BICC1: variants seen among roughly 807,000 people sequenced by gnomAD.
The protein encoded by BICC1 is protein bicaudal C homolog 1.
Under a neutral mutation model 111.0 loss-of-function variants are expected in BICC1, and 43 were observed. That is an observed-to-expected ratio of 0.39 (90% confidence interval 0.30 to 0.50). BICC1 has a LOEUF of 0.50. Ranked by LOEUF, BICC1 falls within the 20% of genes least tolerant of loss-of-function variation. BICC1 has a pLI of 0.88. For synonymous variants in BICC1, 467 were observed against 434.4 expected (o/e 1.07, Z -0.93); for missense variants, 1,091 against 1,203.2 (o/e 0.91, Z 1.38).
rs186040279 is a variant in BICC1, at chr10:58,736,601, C to G, written c.307+34458C>G. Among the ~76,000 whole-genome samples the G allele has an allele frequency of 2.6e-5, 4 of 152,184 alleles. No homozygotes were observed. In the East Asian group the frequency reaches 5.8e-4, roughly 22 times the overall value. ...TAAGAAACACTGTAATGCCGTCTTTCCATTGGGTATCTCCATGATTTATTG... is the reference window on the plus strand; with the variant it reads ...TAAGAAACACTGTAATGCCGTCTTTGCATTGGGTATCTCCATGATTTATTG... On this transcript the variant is annotated intron_variant, in intron 3 of 20. Coordinates refer to ENST00000373886, the MANE Select transcript of BICC1 (RefSeq NM_001080512.3).
intron 2 of BICC1, 79 bp from the exon 3 acceptor site, chr10:58,701,995 A>G (rs769124823): frequency 8.8e-5 from 96 of 1,093,090 alleles, no homozygotes; most frequent in Non-Finnish European, 1.2e-4. Context: ...TTGAAAATAA[A>G]CTTTTTTGTG....
At chr10:58,739,579 C>G (rs936301910) in intron 3 of BICC1, among the ~76,000 whole-genome samples, 1 of 151,564 alleles carries the variant, frequency 6.6e-6, no homozygotes, top group Non-Finnish European at 1.5e-5. Context: ...TAATTTCTCT[C>G]CAACAATTCT....
intron 10 of BICC1, among the ~76,000 whole-genome samples, chr10:58,797,027 C>T (rs1843378917): frequency 6.6e-6 from 1 of 152,100 alleles, no homozygotes; most frequent in South Asian, 2.1e-4. Context: ...GAGGCCAGAC[C>T]TGTATTTCTG....
chr10:58,563,202 C>A (rs891561195), intron 1 of BICC1, among the ~76,000 whole-genome samples: 1 of 152,184 alleles, frequency 6.6e-6, no homozygotes, highest in South Asian at 2.1e-4. Context: ...GGGAAAGATG[C>A]ACTCTGGTAG....
intron 1 of BICC1, among the ~76,000 whole-genome samples, chr10:58,518,199 A>G (rs904630085): frequency 6.6e-6 from 1 of 152,158 alleles, no homozygotes; most frequent in African/African-American, 2.4e-5. Context: ...ATTCATTTCT[A>G]GTATGGTTTA....
At chr10:58,567,641 T>A (rs1843810634) in intron 1 of BICC1, among the ~76,000 whole-genome samples, 1 of 152,052 alleles carries the variant, frequency 6.6e-6, no homozygotes. Flanking sequence ...CAGCATACTT[T>A]TTTGAGCCTC....
chr10:58,722,457 A>G (rs1050222735), intron 3 of BICC1, among the ~76,000 whole-genome samples: 8 of 152,218 alleles, frequency 5.3e-5, no homozygotes, highest in Admixed American at 3.3e-4. Flanking sequence ...TAAATTTTGG[A>G]GAATCCATAT....
chr10:58,617,008 CA>C (rs1267463372), intron 1 of BICC1, among the ~76,000 whole-genome samples: 2 of 152,248 alleles, frequency 1.3e-5, no homozygotes, highest in African/African-American at 4.8e-5. Flanking sequence ...GGTAGTTGAC[CA>C]GGGGTACCTG....
chr10:58,707,999 C>CATATT, intron 3 of BICC1, among the ~76,000 whole-genome samples: 4 of 25,368 alleles, frequency 1.6e-4, no homozygotes, highest in African/African-American at 1.3e-4. Flanking sequence ...GCCTAGCCAG[C>CATATT]TAATTTTTTT....
At chr10:58,787,170 G>C (rs1843033798) in intron 5 of BICC1, 89 bp downstream of exon 5, 3 of 1,199,646 alleles carry the variant, frequency 2.5e-6, no homozygotes, top group Non-Finnish European at 3.4e-6. Context: ...TCTGAGAGGT[G>C]AGACAAAAAA....
intron 1 of BICC1, among the ~76,000 whole-genome samples, chr10:58,518,779 T>A (rs1248016424): frequency 1.3e-5 from 2 of 152,134 alleles, no homozygotes; most frequent in African/African-American, 4.8e-5. Flanking sequence ...GCTTTCAGAC[T>A]AACTTGGATT....
chr10:58,716,397 A>G (rs1199423726), intron 3 of BICC1: 2 of 1,112,076 alleles, frequency 1.8e-6, no homozygotes, highest in South Asian at 3.3e-5. Context: ...TCTTGTTTTT[A>G]GAATTATTCC....
intron 3 of BICC1, among the ~76,000 whole-genome samples, chr10:58,754,103 G>C (rs1842071147): frequency 6.6e-6 from 1 of 152,124 alleles, no homozygotes; most frequent in African/African-American, 2.4e-5. Context: ...AAAACTGTAT[G>C]TTTTTGGCCA....
intron 1 of BICC1, among the ~76,000 whole-genome samples, chr10:58,547,496 G>A (rs1382205668): frequency 2.6e-5 from 4 of 152,106 alleles, no homozygotes; most frequent in African/African-American, 7.2e-5. Flanking sequence ...TTGATCACCT[G>A]GCTGAGGTGG....
chr10:58,687,652 C>T (rs1839779197), intron 2 of BICC1, among the ~76,000 whole-genome samples: 2 of 152,216 alleles, frequency 1.3e-5, no homozygotes. Flanking sequence ...GCTCCGTGGG[C>T]ATGGGATCTT....
chr10:58,642,000 T>C (rs755208699), intron 2 of BICC1, among the ~76,000 whole-genome samples: 1 of 152,190 alleles, frequency 6.6e-6, no homozygotes, highest in Non-Finnish European at 1.5e-5. Context: ...TTACAAAATA[T>C]CTTGCAGGGA....
At chr10:58,724,581 T>G (rs144909578) in intron 3 of BICC1, among the ~76,000 whole-genome samples, 1 of 152,324 alleles carries the variant, frequency 6.6e-6, no homozygotes. Flanking sequence ...ACAGGATTCC[T>G]TGGAGTCATA....
intron 1 of BICC1, among the ~76,000 whole-genome samples, chr10:58,551,572 G>A (rs1440975471): frequency 6.6e-6 from 1 of 152,120 alleles, no homozygotes; most frequent in Non-Finnish European, 1.5e-5. Flanking sequence ...GTCACAATGT[G>A]TACAGATCTC....
chr10:58,698,536 C>T (rs1564561149), intron 2 of BICC1, among the ~76,000 whole-genome samples: 1 of 152,136 alleles, frequency 6.6e-6, no homozygotes, highest in Admixed American at 6.5e-5. Context: ...TGTACATGCT[C>T]ATATTGCACT....
Sources: gnomAD v4.1 joint callset for allele counts (sites outside exome capture counted in the v4.1 genomes callset) on GRCh38, gnomAD v4.1.1 for gene constraint, MANE v1.5 for transcripts, NCBI Gene and HGNC (gene_info 2026-07-23, HGNC 2026-07-21) for gene names.